Variants in AP4E1 observed in about 807,000 individuals in gnomAD.
AP4E1 encodes adaptor related protein complex 4 subunit epsilon 1, also known as AP-4 complex subunit epsilon-1.
AP4E1 carries 56 observed loss-of-function variants against 128.2 expected under a neutral mutation model. The observed-to-expected ratio is 0.44, with a 90% CI of 0.35 to 0.55. AP4E1 has a LOEUF of 0.55. Ranked by LOEUF, AP4E1 falls within the 20% of genes least tolerant of loss-of-function variation. The pLI, the probability that AP4E1 is intolerant of heterozygous loss-of-function variation, is 0.00. For synonymous variants in AP4E1, 484 were observed against 473.1 expected (o/e 1.02, Z -0.30); for missense variants, 1,324 against 1,307.7 (o/e 1.01, Z -0.19).
chr15:50,913,421 A>G (rs1012124774), intron 2 of AP4E1, among the ~76,000 whole-genome samples: 7 of 152,246 alleles, frequency 4.6e-5, no homozygotes, highest in Non-Finnish European at 5.9e-5. Flanking sequence ...GAAGTTGGGC[A>G]GAACTAAGAT....
At chr15:50,953,963 G>A (rs1369220793) in intron 13 of AP4E1, among the ~76,000 whole-genome samples, 1 of 152,208 alleles carries the variant, frequency 6.6e-6, no homozygotes, top group Non-Finnish European at 1.5e-5. Context: ...GTGATCAGAA[G>A]CATGTTCCAA....
rs2141157904 is a variant in AP4E1 at position 50,930,892 on chromosome 15, A to G, written c.790A>G (p.Asn264Asp). The G allele has an allele frequency of 3.1e-6, 5 of 1,614,168 alleles. No individual in the cohort carries two copies. Among genetic ancestry groups the G allele is most frequent in the Middle Eastern group, 1.6e-4 (1 of 6,062 alleles). ...VVGGKLPVEF[N>D]YHSVPAPWLQ... is the part of the protein sequence containing the mutation. ...TGGAGGAAAGCTCCCAGTAGAATTC[A>G]ATTACCACAGTGTGCCAGCACCATG... is the stretch of plus-strand genomic sequence containing the variant. The change falls in exon 7 of 21, where the codon AAT (asparagine) becomes GAT (aspartate). Residue 264 changes from asparagine to aspartate, a missense_variant. Asn to Asp is a conservative substitution (Grantham distance 23). Coordinates refer to ENST00000261842, the MANE Select transcript of AP4E1 (RefSeq NM_007347.5).
At chr15:51,002,444 G>T in intron 20 of AP4E1, 58 bp from the exon 21 acceptor site, 1 of 1,578,156 alleles carries the variant, frequency 6.3e-7, no homozygotes, top group Non-Finnish European at 8.7e-7. Flanking sequence ...TCTTCTTGGA[G>T]AAATGTCTGT....
intron 16 of AP4E1, among the ~76,000 whole-genome samples, chr15:50,987,465 C>G (rs2064744634): frequency 6.6e-6 from 1 of 152,186 alleles, no homozygotes; most frequent in African/African-American, 2.4e-5. Flanking sequence ...CCTCTACACA[C>G]TACTTTAAAT....
rs542429372 is a variant in AP4E1, at chr15:50,917,274, TG to T, written c.346+1705del. ...AAAATGTGTTAGATGTGAATACATTTGGAAATGTTTACAATTCAATCATAAC... is the reference window on the plus strand; with the variant it reads ...AAAATGTGTTAGATGTGAATACATTTGAAATGTTTACAATTCAATCATAAC... On this transcript the variant is annotated intron_variant, in intron 3 of 20. Transcript: ENST00000261842. Among the ~76,000 whole-genome samples the T allele has an allele frequency of 2.6e-5, 4 of 152,354 alleles. No individual in the cohort carries two copies. In the South Asian group the frequency reaches 8.3e-4, roughly 32 times the overall value.
intron 20 of AP4E1, 39 bp from the exon 21 acceptor site, chr15:51,002,462 CT>C: frequency 1.2e-6 from 2 of 1,606,850 alleles, no homozygotes; most frequent in South Asian, 1.1e-5. Context: ...TGTTTAACTC[CT>C]TTTGCATTAA....
chr15:50,982,177 C>T (rs1567253992), intron 15 of AP4E1, among the ~76,000 whole-genome samples: 1 of 150,824 alleles, frequency 6.6e-6, no homozygotes, highest in Admixed American at 6.6e-5. Flanking sequence ...TGGGATGATG[C>T]AGCATGAAGG....
chr15:50,979,009 A>G (rs1596500544), intron 15 of AP4E1, among the ~76,000 whole-genome samples: 1 of 152,084 alleles, frequency 6.6e-6, no homozygotes, highest in East Asian at 1.9e-4. Flanking sequence ...CTTGCTGTCC[A>G]AATACTGTTC....
chr15:50,980,459 T>C (rs183595792), intron 15 of AP4E1, among the ~76,000 whole-genome samples: 18 of 152,312 alleles, frequency 1.2e-4, no homozygotes, highest in African/African-American at 3.4e-4. Flanking sequence ...AATTTATAAT[T>C]AAACAGAAGC....
At position 51,002,553 on chromosome 15, in the gene AP4E1, T is replaced by C. The variant is rs2064977424; in HGVS notation, c.3305T>C (p.Leu1102Pro). The C allele has an allele frequency of 6.2e-7, 1 of 1,614,226 alleles. No homozygotes were observed. Among genetic ancestry groups the C allele is most frequent in the East Asian group, 2.2e-5 (1 of 44,882 alleles). Residue 1102 changes from leucine to proline, a missense_variant, in exon 21 of 21, where the codon CTG (leucine) becomes CCG (proline). Leu to Pro is a moderately conservative substitution (Grantham distance 98). Transcript: ENST00000261842. ...CTGCTCCCATCCATCCCCTGCTTAC[T>C]GCATTGCCGAGTTCATGCAGATGTA... The part of the protein sequence containing the change: ...CQLLPSIPCL[L>P]HCRVHADVLA...
At chr15:50,995,018 G>A (rs768458898) in intron 17 of AP4E1, among the ~76,000 whole-genome samples, 2 of 152,086 alleles carry the variant, frequency 1.3e-5, no homozygotes, top group Non-Finnish European at 2.9e-5. Context: ...CCTGAATTCC[G>A]TAAGGAATTG....
intron 3 of AP4E1, 41 bp from the exon 4 acceptor site, chr15:50,923,890 T>C: frequency 6.8e-7 from 1 of 1,477,100 alleles, no homozygotes; most frequent in Non-Finnish European, 9.5e-7. Flanking sequence ...AAAGTCTGTT[T>C]TTGGTAGTTA....
At chr15:50,961,561 T>C (rs2064314275) in intron 14 of AP4E1, among the ~76,000 whole-genome samples, 2 of 151,946 alleles carry the variant, frequency 1.3e-5, no homozygotes, top group Non-Finnish European at 2.9e-5. Context: ...CAACATCCCA[T>C]CATGATAAAA....
rs2063754225 is a variant in AP4E1, at chr15:50,925,194, A to G, written c.517A>G (p.Ile173Val). The change falls in exon 5 of 21, where the codon ATA becomes GTA. Residue 173 changes from isoleucine to valine, a missense_variant. By Grantham distance (29) the Ile-to-Val change is conservative (BLOSUM62 3). Coordinates refer to ENST00000261842, the MANE Select transcript of AP4E1 (RefSeq NM_007347.5). ...CEMIPAVLPL[I>V]EDKLQHSKEI... ...AATGATTCCAGCTGTTCTTCCATTA[A>G]TAGAAGATAAACTTCAACATTCTAA... 1 of 1,613,696 alleles carries G rather than the reference A, an allele frequency of 6.2e-7. No homozygotes were observed. The highest frequency in any genetic ancestry group is 8.5e-7 in the Non-Finnish European group (1 of 1,179,584).
intron 16 of AP4E1, among the ~76,000 whole-genome samples, chr15:50,990,174 G>A (rs7182957): frequency 0.43 from 65,068 of 151,544 alleles, 14,204 homozygotes; most frequent in East Asian, 0.59. Context: ...AGGGCACACC[G>A]TAGAAAACCA....
At chr15:50,979,280 T>A (rs895552594) in intron 15 of AP4E1, among the ~76,000 whole-genome samples, 4 of 152,172 alleles carry the variant, frequency 2.6e-5, no homozygotes, top group African/African-American at 9.7e-5. Flanking sequence ...TAATTGTCAT[T>A]GTGATGGTAT....
chr15:50,921,338 T>G (rs988019502), intron 3 of AP4E1, among the ~76,000 whole-genome samples: 2 of 152,026 alleles, frequency 1.3e-5, no homozygotes, highest in African/African-American at 4.8e-5. Flanking sequence ...ATAGTATTTA[T>G]CTTCATTTTA....
At chr15:50,987,082 T>C (rs2140919513) in intron 16 of AP4E1, among the ~76,000 whole-genome samples, 1 of 152,372 alleles carries the variant, frequency 6.6e-6, no homozygotes, top group African/African-American at 2.4e-5. Context: ...CTAGATTTTC[T>C]AGTTTATTTG....
chr15:50,937,378 A>G (rs962536308), intron 8 of AP4E1, among the ~76,000 whole-genome samples: 1 of 152,236 alleles, frequency 6.6e-6, no homozygotes, highest in African/African-American at 2.4e-5. Context: ...TGGAAGCTCT[A>G]TTATTACAAT....
Sources: gnomAD v4.1 joint callset for allele counts (sites outside exome capture counted in the v4.1 genomes callset) on GRCh38, gnomAD v4.1.1 for gene constraint, MANE v1.5 for transcripts, NCBI Gene and HGNC (gene_info 2026-07-23, HGNC 2026-07-21) for gene names.